Variants in CADM1 observed in about 807,000 individuals in gnomAD.
The protein encoded by CADM1 is cell adhesion molecule 1.
A neutral mutation model predicts 53.1 loss-of-function variants in CADM1; 15 were observed. The observed-to-expected ratio is 0.28, with a 90% CI of 0.19 to 0.44. CADM1 has a LOEUF of 0.44. Among genes scored for constraint, CADM1 ranks in the 20% least tolerant of loss-of-function variants. The pLI is 1.00. For synonymous variants in CADM1, 281 were observed against 243.0 expected, an observed-to-expected ratio of 1.16 and a Z score of -1.45; for missense variants, 434 against 611.3, an observed-to-expected ratio of 0.71 and a Z score of 3.06.
intron 1 of CADM1, among the ~76,000 whole-genome samples, chr11:115,243,813 T>G (rs1942321824): frequency 6.6e-6 from 1 of 152,204 alleles, no homozygotes; most frequent in African/African-American, 2.4e-5. Flanking sequence ...TTTAAAACCT[T>G]TCTGATTTTC....
At chr11:115,430,688 T>C (rs1369498846) in intron 1 of CADM1, among the ~76,000 whole-genome samples, 2 of 152,200 alleles carry the variant, frequency 1.3e-5, no homozygotes, top group South Asian at 2.1e-4. Context: ...CCTTTTTCAA[T>C]GGAAAGCAGA....
chr11:115,487,062 TA>T (rs1483261047), intron 1 of CADM1, among the ~76,000 whole-genome samples: 1 of 152,234 alleles, frequency 6.6e-6, no homozygotes, highest in African/African-American at 2.4e-5. Context: ...GCTTTGGTCT[TA>T]GCCCTGATGT....
At chr11:115,346,324 C>G (rs1945576488) in intron 1 of CADM1, among the ~76,000 whole-genome samples, 1 of 152,320 alleles carries the variant, frequency 6.6e-6, no homozygotes, top group South Asian at 2.1e-4. Flanking sequence ...GATTAACCTA[C>G]TGGGGTAAAA....
intron 1 of CADM1, among the ~76,000 whole-genome samples, chr11:115,450,434 A>C (rs1434556288): frequency 1.3e-5 from 2 of 152,208 alleles, no homozygotes; most frequent in African/African-American, 4.8e-5. Context: ...GGTAGGAGGA[A>C]ACCTGCTAAA....
At chr11:115,442,640 A>C (rs1948345455) in intron 1 of CADM1, among the ~76,000 whole-genome samples, 1 of 152,204 alleles carries the variant, frequency 6.6e-6, no homozygotes, top group African/African-American at 2.4e-5. Context: ...CTGGGAAAGA[A>C]ACTAGGAAAA....
chr11:115,360,182 T>C (rs547431482), intron 1 of CADM1, among the ~76,000 whole-genome samples: 2 of 152,330 alleles, frequency 1.3e-5, no homozygotes, highest in South Asian at 2.1e-4. Flanking sequence ...GTATTTGTTA[T>C]TGAAGACACT....
intron 3 of CADM1, among the ~76,000 whole-genome samples, chr11:115,236,710 T>C (rs1942023240): frequency 6.6e-6 from 1 of 151,686 alleles, no homozygotes; most frequent in Admixed American, 6.6e-5. Context: ...TGGCTAGACA[T>C]ACTCCTGAAA....
chr11:115,411,949 C>T (rs1049366342), intron 1 of CADM1, among the ~76,000 whole-genome samples: 1 of 152,074 alleles, frequency 6.6e-6, no homozygotes, highest in Non-Finnish European at 1.5e-5. Context: ...CACCTCTTGA[C>T]AAGACTAAAA....
At chr11:115,339,414 T>C (rs999470328) in intron 1 of CADM1, among the ~76,000 whole-genome samples, 17 of 152,166 alleles carry the variant, frequency 1.1e-4, no homozygotes, top group African/African-American at 4.1e-4. Context: ...ATTAAGAAAA[T>C]GTGGCACATA....
At chr11:115,426,275 A>G (rs1221485398) in intron 1 of CADM1, among the ~76,000 whole-genome samples, 1 of 152,162 alleles carries the variant, frequency 6.6e-6, no homozygotes, top group Non-Finnish European at 1.5e-5. Context: ...CAGATGATAT[A>G]AAATTGAAGA....
intron 1 of CADM1, among the ~76,000 whole-genome samples, chr11:115,400,839 T>C (rs966873266): frequency 1.3e-5 from 2 of 151,246 alleles, no homozygotes; most frequent in East Asian, 1.9e-4. Flanking sequence ...AGAACACCAA[T>C]AACACCAAAT....
intron 5 of CADM1, among the ~76,000 whole-genome samples, chr11:115,218,418 T>A (rs1941275442): frequency 6.6e-6 from 1 of 152,178 alleles, no homozygotes; most frequent in Admixed American, 6.5e-5. Flanking sequence ...GTTAATAAAT[T>A]TGCCTCTTCT....
chr11:115,279,523 C>A (rs1043827193), intron 1 of CADM1, among the ~76,000 whole-genome samples: 4 of 152,108 alleles, frequency 2.6e-5, no homozygotes, highest in Admixed American at 1.3e-4. Context: ...ACAATAGATT[C>A]TGTATTAGAT....
intron 1 of CADM1, among the ~76,000 whole-genome samples, chr11:115,447,790 T>C (rs774674867): frequency 2.0e-5 from 3 of 152,184 alleles, no homozygotes; most frequent in Non-Finnish European, 4.4e-5. Context: ...CCCAGCATAT[T>C]AGAGGGTGGA....
intron 1 of CADM1, among the ~76,000 whole-genome samples, chr11:115,374,896 T>A (rs1378913672): frequency 6.6e-6 from 1 of 152,150 alleles, no homozygotes; most frequent in Non-Finnish European, 1.5e-5. Context: ...GGACTTCATT[T>A]GACTCTTGAC....
intron 1 of CADM1, among the ~76,000 whole-genome samples, chr11:115,457,186 G>A (rs889817957): frequency 4.6e-5 from 7 of 152,118 alleles, no homozygotes; most frequent in African/African-American, 1.4e-4. Flanking sequence ...ACTTTGCAAC[G>A]GTGACAGAGC....
chr11:115,390,470 G>A lies in CADM1; in HGVS notation c.124+113801C>T, dbSNP rs562593156. On this transcript the variant is annotated intron_variant, in intron 1 of 11. Coordinates refer to ENST00000331581, the MANE Select transcript of CADM1 (RefSeq NM_001301043.2). ...GGAAGAAGAGAAGTAGGGGACAGAG[G>A]GAGAGAAGGAGAAAAGCAGGGGAGA... 6.3e-4 allele frequency among the ~76,000 whole-genome samples: 96 copies of A among 151,784 alleles called. 1 individual carries two copies. In the South Asian group the frequency reaches 0.017, roughly 27 times the overall value.
chr11:115,275,534 C>T (rs1199601919), intron 1 of CADM1, among the ~76,000 whole-genome samples: 2 of 152,156 alleles, frequency 1.3e-5, no homozygotes, highest in African/African-American at 4.8e-5. Flanking sequence ...AAAAGGTGTA[C>T]ACAGTTCTTT....
rs189733354 is a variant in CADM1, at chr11:115,404,421, G to C, written c.124+99850C>G. 8.0e-3 allele frequency among the ~76,000 whole-genome samples: 930 copies of C among 116,608 alleles called. 8 individuals are homozygous for C. Among genetic ancestry groups the C allele is most frequent in the Middle Eastern group, 0.035 (7 of 200 alleles). The allele number at this position is 116,608 out of a possible 152,430, so 76.5% of individuals were successfully genotyped here. A position where few individuals can be genotyped will look rare whatever the true frequency, so the allele number is the denominator to read the frequency against. Reference sequence around the variant, plus strand: ...TTGCATATCATACACAAAAATTCCAGATAGGTTAACAAAAGTAAAACGCAA... The same window carrying C: ...TTGCATATCATACACAAAAATTCCACATAGGTTAACAAAAGTAAAACGCAA... On this transcript the variant is annotated intron_variant, in intron 1 of 11. Coordinates refer to ENST00000331581, the MANE Select transcript of CADM1 (RefSeq NM_001301043.2).
Sources: allele counts gnomAD v4.1 joint callset (sites outside exome capture counted in the v4.1 genomes callset), GRCh38; gene constraint gnomAD v4.1.1; transcripts MANE v1.5; gene names NCBI Gene and HGNC (gene_info 2026-07-23, HGNC 2026-07-21).